The following SMCHD1 variants were observed in gnomAD, a reference collection of about 807,000 sequenced individuals.
SMCHD1 encodes the protein structural maintenance of chromosomes flexible hinge domain containing 1, also known as structural maintenance of chromosomes flexible hinge domain-containing protein 1.
A neutral mutation model predicts 254.7 loss-of-function variants in SMCHD1; 78 were observed. The observed-to-expected ratio is 0.31, with a 90% CI of 0.26 to 0.37. The LOEUF (loss-of-function observed/expected upper bound fraction) is 0.37. SMCHD1 is among the 10% of genes least tolerant of loss of function. The pLI is 1.00. For synonymous variants in SMCHD1, 766 were observed against 794.9 expected, an observed-to-expected ratio of 0.96 and a Z score of 0.61; for missense variants, 1,840 against 2,408.1, an observed-to-expected ratio of 0.76 and a Z score of 4.94.
chr18:2,698,446 C>A (rs1406693283), intron 10 of SMCHD1, among the ~76,000 whole-genome samples: 3 of 152,002 alleles, frequency 2.0e-5, no homozygotes, highest in Non-Finnish European at 4.4e-5. Flanking sequence ...TTATATAAAT[C>A]TGTAGCTTTT....
In SMCHD1 at chr18:2,759,571, C is replaced by CTTTTTTTTTTTTTTTTT. The variant is rs61159403; in HGVS notation, c.4347-1065_4347-1064insTTTTTTTTTTTTTTTTT. 3.9e-4 allele frequency among the ~76,000 whole-genome samples: 27 copies of CTTTTTTTTTTTTTTTTT among 69,514 alleles called. 2 individuals carry two copies. Among genetic ancestry groups the CTTTTTTTTTTTTTTTTT allele is most frequent in the African/African-American group, 8.5e-4 (15 of 17,726 alleles). 45.6% of individuals were successfully genotyped at this position (69,514 alleles called of 152,430 possible). A position where few individuals can be genotyped will look rare whatever the true frequency, so the allele number is the denominator to read the frequency against. On this transcript the variant is annotated intron_variant, in intron 34 of 47. Transcript: ENST00000320876. ...AAGCAGAAGTCCGTTTTAATTCTCT[C>CTTTTTTTTTTTTTTTTT]TTTTTTTTTTTTTTTTGAGATAGAG...
intron 5 of SMCHD1, among the ~76,000 whole-genome samples, chr18:2,685,407 C>A (rs905932422): frequency 2.6e-5 from 4 of 152,152 alleles, no homozygotes; most frequent in Admixed American, 6.5e-5. Flanking sequence ...CCTATTCTGT[C>A]CCTTTTTAAA....
chr18:2,699,182 C>T (rs149810258), intron 10 of SMCHD1, among the ~76,000 whole-genome samples: 101 of 152,258 alleles, frequency 6.6e-4, no homozygotes, highest in African/African-American at 2.3e-3. Flanking sequence ...GCCTTAGTTT[C>T]CTTACCTGGG....
chr18:2,780,914 A>G (rs1469157887), intron 44 of SMCHD1, among the ~76,000 whole-genome samples: 1 of 152,244 alleles, frequency 6.6e-6, no homozygotes, highest in East Asian at 1.9e-4. Flanking sequence ...AGCTGAGATT[A>G]GCTAAAATGC....
intron 3 of SMCHD1, among the ~76,000 whole-genome samples, chr18:2,668,585 C>G (rs912235291): frequency 6.6e-6 from 1 of 152,134 alleles, no homozygotes; most frequent in African/African-American, 2.4e-5. Context: ...AAGCTCTTCT[C>G]CCATCTTAAA....
intron 25 of SMCHD1, 140 bp downstream of exon 25, chr18:2,732,632 C>T (rs2075165030): frequency 1.0e-5 from 6 of 576,174 alleles, no homozygotes; most frequent in South Asian, 7.0e-5. Context: ...AAATTGTAAG[C>T]AGAATAAGCT....
intron 25 of SMCHD1, among the ~76,000 whole-genome samples, chr18:2,736,676 A>G (rs1217341852): frequency 6.6e-6 from 1 of 152,184 alleles, no homozygotes; most frequent in Non-Finnish European, 1.5e-5. Context: ...AATCATGGAG[A>G]AATGCAAGTC....
intron 3 of SMCHD1, among the ~76,000 whole-genome samples, chr18:2,670,914 A>AG (rs1475562502): frequency 6.6e-6 from 1 of 150,904 alleles, no homozygotes; most frequent in East Asian, 1.9e-4. Flanking sequence ...AAAAAAAAAA[A>AG]AGAAAATTGA....
intron 15 of SMCHD1, among the ~76,000 whole-genome samples, chr18:2,706,934 A>G (rs1450054542): frequency 6.6e-6 from 1 of 152,202 alleles, no homozygotes; most frequent in East Asian, 1.9e-4. Context: ...GCGAAGGGGA[A>G]GCAAGCCATG....
intron 37 of SMCHD1, 191 bp downstream of exon 37, chr18:2,763,980 C>T (rs1029727946): frequency 8.0e-6 from 4 of 500,456 alleles, no homozygotes; most frequent in Non-Finnish European, 3.4e-6. Context: ...GTAAGACTCT[C>T]GTTTTTCCTA....
At chr18:2,662,726 A>T (rs937068120) in intron 1 of SMCHD1, among the ~76,000 whole-genome samples, 3 of 151,384 alleles carry the variant, frequency 2.0e-5, no homozygotes, top group Non-Finnish European at 2.9e-5. Flanking sequence ...GTAATGAATT[A>T]AAAAATACAC....
chr18:2,763,367 A>T (rs550639686), intron 36 of SMCHD1, among the ~76,000 whole-genome samples: 191 of 152,356 alleles, frequency 1.3e-3, no homozygotes, highest in Admixed American at 2.3e-3. Context: ...CTAAAAGTAC[A>T]TGAAAAGGTG....
chr18:2,781,896 CAG>C (rs2076162766), intron 44 of SMCHD1, among the ~76,000 whole-genome samples: 1 of 152,068 alleles, frequency 6.6e-6, no homozygotes, highest in Admixed American at 6.6e-5. Context: ...AAAATGTAAT[CAG>C]AGTATCAAGA....
At chr18:2,725,743 G>A (rs556172058) in intron 21 of SMCHD1, among the ~76,000 whole-genome samples, 59 of 151,362 alleles carry the variant, frequency 3.9e-4, no homozygotes, top group Non-Finnish European at 4.1e-4. Context: ...GATTCTTTCT[G>A]AATTCAGATT....
At chr18:2,776,417 C>T (rs1171271861) in intron 42 of SMCHD1, among the ~76,000 whole-genome samples, 1 of 151,512 alleles carries the variant, frequency 6.6e-6, no homozygotes. Context: ...CTATATTGCC[C>T]AGACTGGTCT....
At chr18:2,671,590 C>CT (rs2073603524) in intron 3 of SMCHD1, among the ~76,000 whole-genome samples, 2 of 132,362 alleles carry the variant, frequency 1.5e-5, no homozygotes, top group Non-Finnish European at 1.6e-5. Flanking sequence ...TTGATCTTTT[C>CT]TTTTCTTTTT....
chr18:2,697,641 G>A (rs1330544087), intron 9 of SMCHD1, among the ~76,000 whole-genome samples, 190 bp from the exon 10 acceptor site: 2 of 152,022 alleles, frequency 1.3e-5, no homozygotes. Flanking sequence ...ATATTTTTTA[G>A]TAGTATGTTC....
chr18:2,765,418 C>A (rs1268441356), intron 37 of SMCHD1, among the ~76,000 whole-genome samples: 1 of 152,168 alleles, frequency 6.6e-6, no homozygotes, highest in East Asian at 1.9e-4. Flanking sequence ...GTGTCTAACT[C>A]ATTGCAGCAT....
chr18:2,692,291 G>A (rs1251507919), intron 7 of SMCHD1, among the ~76,000 whole-genome samples: 1 of 152,206 alleles, frequency 6.6e-6, no homozygotes, highest in Non-Finnish European at 1.5e-5. Context: ...GCTCATGCCT[G>A]TAATCCTAGC....
Sources: gnomAD v4.1 joint callset for allele counts (sites outside exome capture counted in the v4.1 genomes callset) on GRCh38, gnomAD v4.1.1 for gene constraint, MANE v1.5 for transcripts, NCBI Gene and HGNC (gene_info 2026-07-23, HGNC 2026-07-21) for gene names.